KIF5C: variants seen among roughly 807,000 people sequenced by gnomAD.
KIF5C encodes kinesin family member 5C, also known as kinesin heavy chain isoform 5C.
A neutral mutation model predicts 125.2 loss-of-function variants in KIF5C; 18 were observed. The observed-to-expected ratio is 0.14, with a 90% CI of 0.10 to 0.21. The LOEUF is 0.21. Among genes scored for constraint, KIF5C ranks in the 10% least tolerant of loss-of-function variants. The probability of loss-of-function intolerance (pLI) is 1.00; values close to 1 mark genes in which losing one functional copy is unlikely to be tolerated. For missense variants in KIF5C, 780 were observed against 1,183.8 expected (o/e 0.66, Z 5.01); for synonymous variants, 405 against 434.0 (o/e 0.93, Z 0.83).
chr2:148,906,431 C>G (rs1465550286), intron 1 of KIF5C, among the ~76,000 whole-genome samples: 2 of 152,012 alleles, frequency 1.3e-5, no homozygotes, highest in East Asian at 3.9e-4. Flanking sequence ...CAGGGCCTGA[C>G]AGTGCTAGAA....
intron 23 of KIF5C, among the ~76,000 whole-genome samples, chr2:149,009,782 T>G (rs1161427686): frequency 3.3e-5 from 5 of 152,208 alleles, no homozygotes; most frequent in African/African-American, 9.7e-5. Flanking sequence ...AGCTTTCTCA[T>G]GCTAATTTAG....
chr2:148,965,319 A>C (rs1558921551), intron 11 of KIF5C, among the ~76,000 whole-genome samples: 1 of 152,128 alleles, frequency 6.6e-6, no homozygotes, highest in Non-Finnish European at 1.5e-5. Context: ...ACAGAGAAAG[A>C]AGAGAAGACA....
At chr2:148,929,087 T>G (rs1356103928) in intron 2 of KIF5C, among the ~76,000 whole-genome samples, 194 bp from the exon 3 acceptor site, 1 of 152,222 alleles carries the variant, frequency 6.6e-6, no homozygotes, top group Non-Finnish European at 1.5e-5. Flanking sequence ...ATGTATTCTG[T>G]GAAATGTGAG....
At chr2:149,004,432 T>C (rs774976442) in intron 21 of KIF5C, among the ~76,000 whole-genome samples, 29 of 152,190 alleles carry the variant, frequency 1.9e-4, no homozygotes, top group Non-Finnish European at 3.4e-4. Context: ...CTATGGTAAA[T>C]ACATGGAGAC....
At chr2:149,013,062 T>C (rs1682259539) in intron 25 of KIF5C, among the ~76,000 whole-genome samples, 1 of 152,168 alleles carries the variant, frequency 6.6e-6, no homozygotes, top group South Asian at 2.1e-4. Context: ...TGGGCTTTGT[T>C]TGTCTTTTTA....
At chr2:148,990,958 G>A in intron 15 of KIF5C, 52 bp from the exon 16 acceptor site, 1 of 1,564,110 alleles carries the variant, frequency 6.4e-7, no homozygotes, top group Non-Finnish European at 8.7e-7. Context: ...GGGAGTCCGT[G>A]AACCTATGGA....
intron 1 of KIF5C, among the ~76,000 whole-genome samples, chr2:148,920,067 A>G (rs1048196075): frequency 6.6e-6 from 1 of 152,200 alleles, no homozygotes; most frequent in African/African-American, 2.4e-5. Flanking sequence ...TCTAATAAAC[A>G]TTTTAAACAG....
intron 10 of KIF5C, 134 bp from the exon 11 acceptor site, chr2:148,961,837 G>T (rs1031598171): frequency 7.8e-7 from 1 of 1,289,550 alleles, no homozygotes; most frequent in Non-Finnish European, 1.1e-6. Context: ...TAGGAGGATG[G>T]TTGGTGAAAG....
chr2:148,943,572 C>T (rs1036950598), intron 7 of KIF5C, among the ~76,000 whole-genome samples: 11 of 152,296 alleles, frequency 7.2e-5, no homozygotes, highest in Admixed American at 5.9e-4. Flanking sequence ...GAAAGAGGGT[C>T]AGCTTGTTCT....
intron 1 of KIF5C, among the ~76,000 whole-genome samples, chr2:148,921,612 C>T (rs1379773961): frequency 1.3e-5 from 2 of 152,216 alleles, no homozygotes; most frequent in South Asian, 2.1e-4. Context: ...CCTCCATCTT[C>T]CCGATCCTGT....
At chr2:148,948,753 G>A (rs959181500) in intron 8 of KIF5C, among the ~76,000 whole-genome samples, 2 of 152,114 alleles carry the variant, frequency 1.3e-5, no homozygotes, top group Non-Finnish European at 2.9e-5. Context: ...GTCGAAGGAG[G>A]GTGATAGATG....
Position 148,978,955 on chromosome 2 carries a change from G to A in KIF5C, c.1327G>A (p.Glu443Lys). The A allele has an allele frequency of 6.3e-7, 1 of 1,595,032 alleles. No individual in the cohort carries two copies. The highest frequency in any genetic ancestry group is 8.5e-7 in the Non-Finnish European group (1 of 1,170,730). ...DEINQQSQLAEKLKQQMLDQD... is the reference protein window; with the variant it reads ...DEINQQSQLAKKLKQQMLDQD... ...AATTAACCAGCAGAGCCAGCTGGCT[G>A]AAAAGCTGAAGCAACAGATGTTGGA... The change falls in exon 13 of 26, where the codon GAA (glutamate) becomes AAA (lysine). Residue 443 changes from glutamate (E) to lysine (K), a missense_variant. Physicochemically the swap from Glu to Lys is moderately conservative, Grantham distance 56. Coordinates refer to ENST00000435030, the MANE Select transcript of KIF5C (RefSeq NM_004522.3).
chr2:148,982,891 T>C lies in KIF5C; in HGVS notation c.1570-729T>C, dbSNP rs548208672. Among the ~76,000 whole-genome samples, 366 of 152,328 alleles carry C rather than the reference T, an allele frequency of 2.4e-3. 1 individual carries two copies. The highest frequency in any genetic ancestry group is 4.7e-3 in the Non-Finnish European group (319 of 68,032). ...ATGCTCTAGCTGCATATGGGAGAAT[T>C]GTATAAATAGATAACTGTTTTACTG... On this transcript the variant is annotated intron_variant, in intron 14 of 25. Transcript: ENST00000435030.
At chr2:149,004,114 C>G (rs1246803972) in intron 21 of KIF5C, among the ~76,000 whole-genome samples, 1 of 152,204 alleles carries the variant, frequency 6.6e-6, no homozygotes, top group African/African-American at 2.4e-5. Context: ...ATCACAGATC[C>G]ATTTGGTTTC....
chr2:149,008,112 T>A, intron 23 of KIF5C, 45 bp downstream of exon 23: 4 of 1,559,804 alleles, frequency 2.6e-6, no homozygotes, highest in Non-Finnish European at 3.5e-6. Context: ...TCCTCTCTCC[T>A]GGAAAGAAGC....
At position 148,941,591 on chromosome 2, in the gene KIF5C, T is replaced by C; in HGVS notation, c.397-19T>C. ...ACACTGCGGCATGTCTATTCCAAGC[T>C]CAATTTGTTTTTAACTAGGTTTCCT... On this transcript the variant is annotated intron_variant, in intron 4 of 25. Coordinates refer to ENST00000435030, the MANE Select transcript of KIF5C (RefSeq NM_004522.3). 2 of 1,554,538 alleles carry C rather than the reference T, an allele frequency of 1.3e-6. No homozygotes were observed. Among genetic ancestry groups the C allele is most frequent in the Non-Finnish European group, 1.7e-6 (2 of 1,148,020 alleles).
At chr2:148,923,984 G>T (rs1030804148) in intron 2 of KIF5C, among the ~76,000 whole-genome samples, 1 of 152,170 alleles carries the variant, frequency 6.6e-6, no homozygotes, top group Non-Finnish European at 1.5e-5. Context: ...CCATCTAGCA[G>T]AATAAAATCA....
chr2:148,919,654 A>G (rs2105078725), intron 1 of KIF5C, among the ~76,000 whole-genome samples: 1 of 152,344 alleles, frequency 6.6e-6, no homozygotes, highest in South Asian at 2.1e-4. Flanking sequence ...TAAAATGGCA[A>G]TTATCAATTA....
chr2:148,935,028 G>A, intron 3 of KIF5C: 1 of 397,376 alleles, frequency 2.5e-6, no homozygotes, highest in Non-Finnish European at 5.0e-6. Flanking sequence ...GCTGGATCAA[G>A]CAGCCCAGCT....
Sources: gnomAD v4.1 joint callset for allele counts (sites outside exome capture counted in the v4.1 genomes callset) on GRCh38, gnomAD v4.1.1 for gene constraint, MANE v1.5 for transcripts, NCBI Gene and HGNC (gene_info 2026-07-23, HGNC 2026-07-21) for gene names.